The following CCDC149 variants were observed in gnomAD, a reference collection of about 807,000 sequenced individuals.
CCDC149 encodes the protein coiled-coil domain containing 149.
A neutral mutation model predicts 59.9 loss-of-function variants in CCDC149; 45 were observed. That is an observed-to-expected ratio of 0.75 (90% CI 0.59 to 0.96). The LOEUF (loss-of-function observed/expected upper bound fraction) is 0.96. Ranked by LOEUF, CCDC149 falls within the 40% of genes least tolerant of loss-of-function variation. The probability of loss-of-function intolerance (pLI) is 0.00; values close to 1 mark genes in which losing one functional copy is unlikely to be tolerated. For synonymous variants in CCDC149, 245 were observed against 260.6 expected (o/e 0.94, Z 0.58); for missense variants, 584 against 664.7 (o/e 0.88, Z 1.33).
At chr4:24,871,250 G>A (rs1043302554) in intron 3 of CCDC149, among the ~76,000 whole-genome samples, 1 of 152,142 alleles carries the variant, frequency 6.6e-6, no homozygotes, top group Non-Finnish European at 1.5e-5. Flanking sequence ...GGATAAATGT[G>A]TGTGTGTTGG....
chr4:24,805,971 A>C (rs1714135405), downstream of CCDC149: 1 of 152,036 alleles, frequency 6.6e-6, no homozygotes. Context: ...ATACAACATA[A>C]TTCATTTCCC....
chr4:24,937,872 A>G (rs368557159), intron 1 of CCDC149, among the ~76,000 whole-genome samples: 85 of 151,970 alleles, frequency 5.6e-4, no homozygotes, highest in African/African-American at 1.8e-3. Context: ...TTGGCAATAC[A>G]TCTGTCTTCT....
chr4:24,895,215 A>C, intron 1 of CCDC149: 1 of 622,170 alleles, frequency 1.6e-6, no homozygotes, highest in South Asian at 1.8e-5. Flanking sequence ...TTGGCTCAGA[A>C]GGGCATAGGA....
intron 1 of CCDC149, among the ~76,000 whole-genome samples, chr4:24,933,370 G>A (rs1722648721): frequency 6.6e-6 from 1 of 151,894 alleles, no homozygotes; most frequent in Admixed American, 6.6e-5. Flanking sequence ...AGTATTTTCT[G>A]GATTTAAAAA....
At chr4:24,977,258 T>A (rs140953874) in intron 1 of CCDC149, among the ~76,000 whole-genome samples, 2 of 152,190 alleles carry the variant, frequency 1.3e-5, no homozygotes, top group East Asian at 3.9e-4. Flanking sequence ...AGAGGTATTC[T>A]TTTTCCATCG....
At chr4:24,865,170 G>C (rs1012254036) in intron 3 of CCDC149, among the ~76,000 whole-genome samples, 1 of 152,106 alleles carries the variant, frequency 6.6e-6, no homozygotes, top group African/African-American at 2.4e-5. Flanking sequence ...GCAAGCCCTT[G>C]ACCTAGGCAC....
At chr4:24,873,541 T>C (rs544984776) in intron 3 of CCDC149, 140 bp downstream of exon 3, 1 of 692,438 alleles carries the variant, frequency 1.4e-6, no homozygotes, top group East Asian at 2.7e-5. Flanking sequence ...TCTTTGCAGT[T>C]GGAATCTCTA....
chr4:24,960,683 G>T (rs1392527637), intron 1 of CCDC149, among the ~76,000 whole-genome samples: 3 of 152,100 alleles, frequency 2.0e-5, no homozygotes, highest in African/African-American at 4.8e-5. Context: ...TTATGAAAAG[G>T]GTCAATTAGC....
At chr4:24,892,301 A>G (rs1237787566) in intron 1 of CCDC149, among the ~76,000 whole-genome samples, 1 of 152,202 alleles carries the variant, frequency 6.6e-6, no homozygotes, top group Non-Finnish European at 1.5e-5. Flanking sequence ...AAGGACTATG[A>G]TAGTACCTAC....
intron 3 of CCDC149, among the ~76,000 whole-genome samples, chr4:24,856,091 C>T (rs994204102): frequency 2.0e-5 from 3 of 152,228 alleles, no homozygotes; most frequent in African/African-American, 7.2e-5. Flanking sequence ...TTACCTCCCT[C>T]AACTGTGCCC....
intron 12 of CCDC149, among the ~76,000 whole-genome samples, chr4:24,811,222 A>G (rs1577371843): frequency 6.6e-6 from 1 of 152,026 alleles, no homozygotes; most frequent in African/African-American, 2.4e-5. Context: ...AAGATATGCA[A>G]CCTCCAAGAT....
At chr4:24,922,493 G>T (rs1722322813) in intron 1 of CCDC149, among the ~76,000 whole-genome samples, 1 of 152,198 alleles carries the variant, frequency 6.6e-6, no homozygotes, top group African/African-American at 2.4e-5. Context: ...CCTAGTTGAA[G>T]GCTGCAAGAT....
chr4:24,955,893 C>A (rs564541778), intron 1 of CCDC149, among the ~76,000 whole-genome samples: 116 of 152,222 alleles, frequency 7.6e-4, no homozygotes, highest in African/African-American at 2.7e-3. Context: ...TTGTGTTTTA[C>A]CACAATAAAA....
chr4:24,869,565 G>A (rs1005275058), intron 3 of CCDC149, among the ~76,000 whole-genome samples: 2 of 152,212 alleles, frequency 1.3e-5, no homozygotes, highest in African/African-American at 4.8e-5. Flanking sequence ...GTGCTGGACA[G>A]AATCAACCTG....
chr4:24,806,551 T>G lies in CCDC149; in HGVS notation c.*1838A>C, dbSNP rs1714187281. 1 of 152,308 alleles carries G rather than the reference T, an allele frequency of 6.6e-6. No homozygotes were observed. Among genetic ancestry groups the G allele is most frequent in the African/African-American group, 2.4e-5 (1 of 41,470 alleles). 9.4% of individuals were successfully genotyped at this position (152,308 alleles called of 1,614,324 possible). A position where few individuals can be genotyped will look rare whatever the true frequency, so the allele number is the denominator to read the frequency against. ...TGGCTGTGTTTTCCTTCGGTGGCTC[T>G]GGCATCCTATGCAGTAGTGCTGGAC... On this transcript the variant is annotated 3_prime_UTR_variant, in exon 13 of 13. Coordinates refer to ENST00000635206, the MANE Select transcript of CCDC149 (RefSeq NM_001330643.2).
intron 1 of CCDC149, among the ~76,000 whole-genome samples, chr4:24,911,815 AGT>A (rs942211590): frequency 2.6e-5 from 4 of 152,238 alleles, no homozygotes; most frequent in African/African-American, 9.6e-5. Flanking sequence ...GGAGTGAGGG[AGT>A]AGAGGGTTTC....
At chr4:24,840,747 G>C (rs1716885295) in intron 4 of CCDC149, among the ~76,000 whole-genome samples, 1 of 152,178 alleles carries the variant, frequency 6.6e-6, no homozygotes, top group Non-Finnish European at 1.5e-5. Context: ...GACAATATGA[G>C]TGTTAGAGAA....
At chr4:24,821,833 C>T (rs928011022) in intron 10 of CCDC149, among the ~76,000 whole-genome samples, 6 of 152,026 alleles carry the variant, frequency 3.9e-5, no homozygotes, top group African/African-American at 1.2e-4. Context: ...GGGGTAAATA[C>T]AGCTAATTAA....
Position 24,820,087 on chromosome 4 carries a change from G to A in CCDC149, c.1076-112C>T, listed in dbSNP as rs116069643. 1,133 of 710,028 alleles carry A rather than the reference G, an allele frequency of 1.6e-3. 3 individuals carry two copies. The highest frequency in any genetic ancestry group is 2.5e-3 in the Non-Finnish European group (1,038 of 418,858). The allele number at this position is 710,028 out of a possible 1,614,324, so 44.0% of individuals were successfully genotyped here. A position where few individuals can be genotyped will look rare whatever the true frequency, so the allele number is the denominator to read the frequency against. On this transcript the variant is annotated intron_variant, in intron 11 of 12. Coordinates refer to ENST00000635206, the MANE Select transcript of CCDC149 (RefSeq NM_001330643.2). ...CTGGCTACCCACAGACACTACCATTGAAGGGAAGCCTGCTACGACTGCTGA... is the reference window on the plus strand; with the variant it reads ...CTGGCTACCCACAGACACTACCATTAAAGGGAAGCCTGCTACGACTGCTGA...
Sources: allele counts gnomAD v4.1 joint callset (sites outside exome capture counted in the v4.1 genomes callset), GRCh38; gene constraint gnomAD v4.1.1; transcripts MANE v1.5; gene names NCBI Gene and HGNC (gene_info 2026-07-23, HGNC 2026-07-21).